Variants in MAGI2 observed in about 807,000 individuals in gnomAD.
The protein encoded by MAGI2 is membrane associated guanylate kinase, WW and PDZ domain containing 2.
A neutral mutation model predicts 133.3 loss-of-function variants in MAGI2; 35 were observed. That is an observed-to-expected ratio of 0.26 (90% confidence interval 0.20 to 0.35). The LOEUF (loss-of-function observed/expected upper bound fraction) is 0.35, where lower values mean the gene tolerates loss of function less well. Among genes scored for constraint, MAGI2 ranks in the 10% least tolerant of loss-of-function variants. MAGI2 has a pLI of 1.00. For missense variants in MAGI2, 1,636 were observed against 1,863.4 expected, an observed-to-expected ratio of 0.88 and a Z score of 2.25; for synonymous variants, 729 against 710.6, an observed-to-expected ratio of 1.03 and a Z score of -0.41.
At chr7:79,165,303 G>T (rs76925858) in intron 1 of MAGI2, among the ~76,000 whole-genome samples, 1,708 of 151,510 alleles carry the variant, frequency 0.011, 27 homozygotes, top group African/African-American at 0.039. Context: ...TATATGTGCT[G>T]TACTAATAGA....
intron 1 of MAGI2, among the ~76,000 whole-genome samples, chr7:79,399,079 C>CTTTTCTTTTT (rs1585840184): frequency 1.4e-4 from 16 of 114,644 alleles, no homozygotes; most frequent in East Asian, 5.9e-4. Context: ...AGTATTATTT[C>CTTTTCTTTTT]TTTTTTTTTT....
chr7:79,051,311 T>C (rs1812648270), intron 1 of MAGI2, among the ~76,000 whole-genome samples: 1 of 152,214 alleles, frequency 6.6e-6, no homozygotes, highest in Admixed American at 6.5e-5. Context: ...TTGTTCCCTA[T>C]GCAATGAGGG....
chr7:78,936,473 T>G (rs184546044), intron 2 of MAGI2, among the ~76,000 whole-genome samples: 160 of 151,976 alleles, frequency 1.1e-3, no homozygotes, highest in Middle Eastern at 3.5e-3. Context: ...AAATGAAAAA[T>G]AAGTTAAAAT....
chr7:78,571,539 A>G lies in MAGI2; in HGVS notation c.539-49894T>C, dbSNP rs1160512101. Among the ~76,000 whole-genome samples, 3 of 152,198 alleles carry G rather than the reference A, an allele frequency of 2.0e-5. No individual in the cohort carries two copies. In the East Asian group the frequency reaches 5.8e-4, roughly 29 times the overall value. ...TTTATAGAACATCTTATATCTGCAA[A>G]GTACTTTCAGTCATTTTTAATAGTC... On this transcript the variant is annotated intron_variant, in intron 3 of 21. Coordinates refer to ENST00000354212, the MANE Select transcript of MAGI2 (RefSeq NM_012301.4).
At chr7:78,255,450 CTCTCACAGT>C in intron 10 of MAGI2, 1 of 223,424 alleles carries the variant, frequency 4.5e-6, no homozygotes, top group South Asian at 7.3e-5. Context: ...GCTCCCACAG[CTCTCACAGT>C]TCATGGTCCT....
intron 9 of MAGI2, among the ~76,000 whole-genome samples, chr7:78,336,616 TTGGGAGGCTGAGG>T (rs1196150598): frequency 6.6e-6 from 1 of 152,070 alleles, no homozygotes; most frequent in African/African-American, 2.4e-5. Context: ...TTCTAGCTAC[TTGGGAGGCTGAGG>T]TGGGAGGATG....
intron 1 of MAGI2, among the ~76,000 whole-genome samples, chr7:79,100,038 C>G (rs1313860839): frequency 6.6e-6 from 1 of 152,026 alleles, no homozygotes; most frequent in South Asian, 2.1e-4. Context: ...TGCTGTTTTT[C>G]TCTGTTTTGT....
At chr7:78,661,580 G>C (rs1323109853) in intron 2 of MAGI2, among the ~76,000 whole-genome samples, 2 of 152,146 alleles carry the variant, frequency 1.3e-5, no homozygotes, top group African/African-American at 4.8e-5. Flanking sequence ...TTTCGACTTT[G>C]ATTCTTTCTA....
intron 3 of MAGI2, chr7:78,615,743 A>AT (rs1306336653): frequency 2.0e-5 from 3 of 152,198 alleles, no homozygotes; most frequent in African/African-American, 7.2e-5. Flanking sequence ...GGATTACGTC[A>AT]TTTTGGGCCT....
At chr7:79,335,112 G>A (rs1003347219) in intron 1 of MAGI2, among the ~76,000 whole-genome samples, 1 of 152,106 alleles carries the variant, frequency 6.6e-6, no homozygotes, top group African/African-American at 2.4e-5. Flanking sequence ...AATTCTAAGA[G>A]TCACTTTTAC....
intron 2 of MAGI2, among the ~76,000 whole-genome samples, chr7:78,667,960 C>T (rs191319400): frequency 0.015 from 2,246 of 151,980 alleles, 62 homozygotes; most frequent in African/African-American, 0.052. Flanking sequence ...TCTGAGGAAT[C>T]GCTACACTGA....
rs146143618 is a variant in MAGI2 at position 78,018,938 on chromosome 7, T to C, written c.*377A>G. Reference sequence around the variant, plus strand: ...CGATATTCCAGTTTGTGATTGCTCTTAACTTTGTCCTGTTTCTTGATATAA... The same window carrying C: ...CGATATTCCAGTTTGTGATTGCTCTCAACTTTGTCCTGTTTCTTGATATAA... On this transcript the variant is annotated 3_prime_UTR_variant, in exon 22 of 22. Transcript: ENST00000354212. 2.5e-6 allele frequency: 1 copy of C among 394,316 alleles called. No individual in the cohort carries two copies. Among genetic ancestry groups the C allele is most frequent in the African/African-American group, 2.1e-5 (1 of 48,552 alleles). The allele number at this position is 394,316 out of a possible 1,614,324, so 24.4% of individuals were successfully genotyped here.
Position 79,339,467 on chromosome 7 carries a change from T to TTTG in MAGI2, c.301+113552_301+113553insCAA, listed in dbSNP as rs768914981. 1.2e-3 allele frequency among the ~76,000 whole-genome samples: 133 copies of TTTG among 107,882 alleles called. 1 individual carries two copies. The highest frequency in any genetic ancestry group is 3.1e-3 in the African/African-American group (94 of 30,412). The allele number at this position is 107,882 out of a possible 152,430, so 70.8% of individuals were successfully genotyped here. On this transcript the variant is annotated intron_variant, in intron 1 of 21. Transcript: ENST00000354212. ...AGGTTTGTTTGTTTTTGTTTTTGTTTTTTTTTTTTTTGAGGAATCACTAAA... is the reference window on the plus strand; with the variant it reads ...AGGTTTGTTTGTTTTTGTTTTTGTTTTTGTTTTTTTTTTTGAGGAATCACTAAA...
At chr7:78,683,729 G>C (rs1199957808) in intron 2 of MAGI2, among the ~76,000 whole-genome samples, 1 of 152,014 alleles carries the variant, frequency 6.6e-6, no homozygotes, top group Non-Finnish European at 1.5e-5. Context: ...TCCATATCCT[G>C]TCCCTAATCA....
intron 1 of MAGI2, among the ~76,000 whole-genome samples, chr7:79,025,193 C>A (rs999621540): frequency 6.6e-6 from 1 of 152,052 alleles, no homozygotes; most frequent in Non-Finnish European, 1.5e-5. Flanking sequence ...GAGATCATAT[C>A]TTTTGCAGTA....
At chr7:78,977,205 G>A (rs1804334684) in intron 2 of MAGI2, among the ~76,000 whole-genome samples, 5 of 151,688 alleles carry the variant, frequency 3.3e-5, no homozygotes, top group African/African-American at 1.2e-4. Flanking sequence ...CAAAGCTGTA[G>A]TAGTCAGGAC....
At chr7:78,165,641 T>C (rs1825549757) in intron 15 of MAGI2, among the ~76,000 whole-genome samples, 1 of 152,194 alleles carries the variant, frequency 6.6e-6, no homozygotes, top group Non-Finnish European at 1.5e-5. Flanking sequence ...GCTGCTCCTC[T>C]TCCTGCTGCT....
chr7:78,298,972 T>G (rs780592601), intron 9 of MAGI2, among the ~76,000 whole-genome samples: 6 of 151,920 alleles, frequency 3.9e-5, no homozygotes, highest in Non-Finnish European at 5.9e-5. Context: ...CACGCCACCA[T>G]GCCCAGCTAA....
Position 78,167,917 on chromosome 7 carries a change from T to C in MAGI2, c.2595A>G (p.Gly865=), listed in dbSNP as rs761977129. ...NLTVRRKVLC[G]GEPCPENGRS... is the part of the protein sequence containing the mutation. ...CTGCAGCAGGCTCCAGGTACATACC[T>C]CCACATAGCACCTTTCTTCTCACAG... The change falls in exon 15 of 22, where the codon GGA becomes GGG. Residue 865 remains glycine, a splice_region_variant and synonymous_variant. Coordinates refer to ENST00000354212, the MANE Select transcript of MAGI2 (RefSeq NM_012301.4). 7.7e-5 allele frequency: 125 copies of C among 1,613,434 alleles called. No individual in the cohort carries two copies. The highest frequency in any genetic ancestry group is 9.1e-5 in the Non-Finnish European group (107 of 1,179,614).
Sources: allele counts gnomAD v4.1 joint callset (sites outside exome capture counted in the v4.1 genomes callset), GRCh38; gene constraint gnomAD v4.1.1; transcripts MANE v1.5; gene names NCBI Gene and HGNC (gene_info 2026-07-23, HGNC 2026-07-21).